Variants in SLC7A11 observed in about 807,000 individuals in gnomAD.
SLC7A11 encodes cystine/glutamate transporter.
In SLC7A11, 35 loss-of-function variants were observed where a neutral mutation model predicts 54.5. That is an observed-to-expected ratio of 0.64 (90% CI 0.49 to 0.85). The LOEUF (loss-of-function observed/expected upper bound fraction) is 0.85, where lower values mean the gene tolerates loss of function less well. Ranked by LOEUF, SLC7A11 falls within the 40% of genes least tolerant of loss-of-function variation. SLC7A11 has a pLI of 0.00. For missense variants in SLC7A11, 583 were observed against 618.1 expected, an observed-to-expected ratio of 0.94 and a Z score of 0.60; for synonymous variants, 230 against 225.2, an observed-to-expected ratio of 1.02 and a Z score of -0.19.
At chr4:138,211,602 T>C (rs1369870631) in intron 6 of SLC7A11, among the ~76,000 whole-genome samples, 1 of 151,930 alleles carries the variant, frequency 6.6e-6, no homozygotes, top group Non-Finnish European at 1.5e-5. Context: ...ATTGCAGCAC[T>C]ATTCAAAATA....
At chr4:138,220,457 T>G (rs942847886) in intron 4 of SLC7A11, among the ~76,000 whole-genome samples, 4 of 68,934 alleles carry the variant, frequency 5.8e-5, no homozygotes, top group Non-Finnish European at 1.6e-4. Context: ...GAATGACATG[T>G]TTTTTTTCCT....
At chr4:138,188,421 A>C (rs748530828) in intron 6 of SLC7A11, among the ~76,000 whole-genome samples, 7 of 152,138 alleles carry the variant, frequency 4.6e-5, no homozygotes, top group Admixed American at 1.3e-4. Context: ...AATAGCCACT[A>C]GCTTCCATTC....
chr4:138,196,741 C>A (rs1284055329), intron 6 of SLC7A11, among the ~76,000 whole-genome samples: 1 of 152,104 alleles, frequency 6.6e-6, no homozygotes, highest in African/African-American at 2.4e-5. Context: ...CTCACTGCAA[C>A]CTTCACCTCC....
intron 4 of SLC7A11, 31 bp downstream of exon 4, chr4:138,223,168 T>C (rs780758432): frequency 2.5e-6 from 4 of 1,596,420 alleles, no homozygotes; most frequent in Non-Finnish European, 3.4e-6. Flanking sequence ...CAGATACGTA[T>C]TTTAAAAAGC....
intron 6 of SLC7A11, among the ~76,000 whole-genome samples, chr4:138,188,852 A>G (rs1180706297): frequency 3.9e-5 from 6 of 152,224 alleles, no homozygotes; most frequent in Non-Finnish European, 8.8e-5. Context: ...TAACAAAATT[A>G]AGTTCTATTC....
chr4:138,197,283 A>G (rs1294237177), intron 6 of SLC7A11, among the ~76,000 whole-genome samples: 2 of 152,230 alleles, frequency 1.3e-5, no homozygotes, highest in East Asian at 3.9e-4. Flanking sequence ...GTTTTCATTA[A>G]TACTTCCATT....
intron 4 of SLC7A11, among the ~76,000 whole-genome samples, chr4:138,222,097 A>G (rs1002758681): frequency 6.6e-6 from 1 of 152,200 alleles, no homozygotes; most frequent in Non-Finnish European, 1.5e-5. Flanking sequence ...AACGGTCAAA[A>G]TCTTCATTGT....
chr4:138,187,126 C>G (rs1395838653), intron 6 of SLC7A11, among the ~76,000 whole-genome samples: 1 of 152,070 alleles, frequency 6.6e-6, no homozygotes, highest in Non-Finnish European at 1.5e-5. Context: ...TGTGGCTCTC[C>G]CAGCATAGAA....
At chr4:138,200,270 C>T (rs1178873890) in intron 6 of SLC7A11, among the ~76,000 whole-genome samples, 1 of 152,122 alleles carries the variant, frequency 6.6e-6, no homozygotes, top group Non-Finnish European at 1.5e-5. Context: ...TAAAAAGCAG[C>T]TATTTCCTTA....
intron 6 of SLC7A11, among the ~76,000 whole-genome samples, chr4:138,206,583 G>A (rs1200760362): frequency 6.6e-6 from 1 of 151,466 alleles, no homozygotes; most frequent in Non-Finnish European, 1.5e-5. Context: ...CTTCCACAAA[G>A]CACTTGAAGG....
At chr4:138,218,387 C>G (rs1033834591) in intron 5 of SLC7A11, among the ~76,000 whole-genome samples, 2 of 152,114 alleles carry the variant, frequency 1.3e-5, no homozygotes, top group Non-Finnish European at 2.9e-5. Context: ...TATCCCAAAA[C>G]AATGAAATTT....
At chr4:138,240,797 T>C (rs939082059) in intron 1 of SLC7A11, among the ~76,000 whole-genome samples, 1 of 152,156 alleles carries the variant, frequency 6.6e-6, no homozygotes, top group Non-Finnish European at 1.5e-5. Flanking sequence ...GAAGAGTAAA[T>C]AAATCCTCAT....
At chr4:138,238,033 G>A (rs1241596798) in intron 1 of SLC7A11, among the ~76,000 whole-genome samples, 1 of 151,838 alleles carries the variant, frequency 6.6e-6, no homozygotes, top group Non-Finnish European at 1.5e-5. Flanking sequence ...GATTACAGGC[G>A]TGAGCCACTG....
At chr4:138,189,925 C>T (rs1736968472) in intron 6 of SLC7A11, among the ~76,000 whole-genome samples, 1 of 152,146 alleles carries the variant, frequency 6.6e-6, no homozygotes, top group Admixed American at 6.5e-5. Flanking sequence ...CATGAGTGGT[C>T]TGAATTACAT....
In SLC7A11 at chr4:138,237,135, G is replaced by A. The variant is rs544303236; in HGVS notation, c.278-684C>T. Among the ~76,000 whole-genome samples, 540 of 151,420 alleles carry A rather than the reference G, an allele frequency of 3.6e-3. 4 individuals carry two copies. The highest frequency in any genetic ancestry group is 0.011 in the African/African-American group (440 of 41,278). ...CGAGAAGCTGGGACTACAGGCGCCC[G>A]CCACCACGCCTGGCTAATTTTTTTT... is the stretch of plus-strand genomic sequence containing the variant. On this transcript the variant is annotated intron_variant, in intron 1 of 11. Coordinates refer to ENST00000280612, the MANE Select transcript of SLC7A11 (RefSeq NM_014331.4).
chr4:138,208,717 C>T (rs139495908), intron 6 of SLC7A11, among the ~76,000 whole-genome samples: 117 of 152,108 alleles, frequency 7.7e-4, no homozygotes, highest in African/African-American at 2.7e-3. Context: ...ACATTCATGT[C>T]CCTCAAAATA....
chr4:138,213,891 A>C (rs1026382528), intron 6 of SLC7A11, among the ~76,000 whole-genome samples: 6 of 152,156 alleles, frequency 3.9e-5, no homozygotes, highest in East Asian at 3.9e-4. Context: ...ATTTTATACT[A>C]TACTACAGTT....
chr4:138,217,895 C>T (rs1340785426), intron 5 of SLC7A11, among the ~76,000 whole-genome samples: 2 of 152,220 alleles, frequency 1.3e-5, no homozygotes, highest in Non-Finnish European at 2.9e-5. Context: ...TCTAGCACCA[C>T]ATTGTGCTTC....
At chr4:138,193,937 A>C (rs545758542) in intron 6 of SLC7A11, among the ~76,000 whole-genome samples, 1 of 152,194 alleles carries the variant, frequency 6.6e-6, no homozygotes, top group African/African-American at 2.4e-5. Flanking sequence ...TCATACTCTT[A>C]GAGTAATTAA....
Sources: gnomAD v4.1 joint callset for allele counts (sites outside exome capture counted in the v4.1 genomes callset) on GRCh38, gnomAD v4.1.1 for gene constraint, MANE v1.5 for transcripts, NCBI Gene and HGNC (gene_info 2026-07-23, HGNC 2026-07-21) for gene names.